The following CDH13 variants were observed in gnomAD, a reference collection of about 807,000 sequenced individuals.
CDH13 encodes the protein cadherin-13.
Under a neutral mutation model 63.8 loss-of-function variants are expected in CDH13, and 24 were observed. That is an observed-to-expected ratio of 0.38 (90% CI 0.27 to 0.53). The LOEUF (loss-of-function observed/expected upper bound fraction) is 0.53, where lower values mean the gene tolerates loss of function less well. Ranked by LOEUF, CDH13 falls within the 20% of genes least tolerant of loss-of-function variation. The probability of loss-of-function intolerance (pLI) is 0.85; values close to 1 mark genes in which losing one functional copy is unlikely to be tolerated. For missense variants in CDH13, 1,049 were observed against 903.1 expected (o/e 1.16, Z -2.07); for synonymous variants, 503 against 355.3 (o/e 1.42, Z -4.67).
At chr16:82,963,604 A>G (rs1350026268) in intron 2 of CDH13, among the ~76,000 whole-genome samples, 1 of 152,030 alleles carries the variant, frequency 6.6e-6, no homozygotes, top group African/African-American at 2.4e-5. Context: ...TTCTGTAATG[A>G]TTTACTTAAA....
At chr16:82,703,537 G>T in intron 1 of CDH13, among the ~76,000 whole-genome samples, 1 of 152,270 alleles carries the variant, frequency 6.6e-6, no homozygotes, top group Admixed American at 6.5e-5. Context: ...AGCTCCAGTA[G>T]CCCACAGTGG....
At chr16:82,688,177 G>A (rs1247189856) in intron 1 of CDH13, among the ~76,000 whole-genome samples, 2 of 152,158 alleles carry the variant, frequency 1.3e-5, no homozygotes, top group Admixed American at 1.3e-4. Flanking sequence ...AAGTGAACCA[G>A]CCAAGAGATC....
chr16:83,409,456 C>A (rs1021995273), intron 6 of CDH13, among the ~76,000 whole-genome samples: 1 of 152,160 alleles, frequency 6.6e-6, no homozygotes, highest in African/African-American at 2.4e-5. Context: ...AGGGTATCAG[C>A]AGAGCCTGCT....
chr16:83,392,309 G>A (rs1018347550), intron 6 of CDH13, among the ~76,000 whole-genome samples: 4 of 152,258 alleles, frequency 2.6e-5, no homozygotes, highest in East Asian at 1.9e-4. Flanking sequence ...CCTTAGCGCC[G>A]TGCCTCACGA....
chr16:82,899,426 G>A (rs775560729), intron 2 of CDH13, among the ~76,000 whole-genome samples: 19 of 152,262 alleles, frequency 1.2e-4, no homozygotes, highest in African/African-American at 4.6e-4. Flanking sequence ...AAATTGAAAG[G>A]TATCATAAAA....
intron 6 of CDH13, among the ~76,000 whole-genome samples, chr16:83,472,490 T>C (rs547848198): frequency 6.6e-6 from 1 of 152,238 alleles, no homozygotes; most frequent in African/African-American, 2.4e-5. Context: ...AGCTGGCTTG[T>C]AGCAGAGGCA....
At chr16:83,449,127 C>G (rs369722594) in intron 6 of CDH13, among the ~76,000 whole-genome samples, 2 of 152,154 alleles carry the variant, frequency 1.3e-5, no homozygotes, top group South Asian at 4.1e-4. Flanking sequence ...TTTTAAATGT[C>G]TTACATTCCT....
intron 7 of CDH13, among the ~76,000 whole-genome samples, chr16:83,512,523 C>G (rs943108505): frequency 2.0e-5 from 3 of 150,908 alleles, no homozygotes; most frequent in African/African-American, 4.8e-5. Context: ...CAAAAATTAG[C>G]CAGGTGTGGT....
intron 5 of CDH13, among the ~76,000 whole-genome samples, chr16:83,269,997 C>T (rs1567552954): frequency 6.6e-6 from 1 of 152,202 alleles, no homozygotes. Flanking sequence ...TAATGTACTA[C>T]ACCTCCTGAG....
At chr16:83,347,596 C>T (rs1194633642) in intron 6 of CDH13, among the ~76,000 whole-genome samples, 1 of 152,150 alleles carries the variant, frequency 6.6e-6, no homozygotes, top group East Asian at 1.9e-4. Context: ...TCCATGATCC[C>T]ACTTCCTGCC....
intron 7 of CDH13, among the ~76,000 whole-genome samples, chr16:83,589,044 C>G (rs2150733381): frequency 6.6e-6 from 1 of 152,278 alleles, no homozygotes; most frequent in Middle Eastern, 3.4e-3. Context: ...AGTCAGAAGT[C>G]CAAAATAAGT....
At chr16:83,033,848 C>T (rs765962532) in intron 3 of CDH13, among the ~76,000 whole-genome samples, 1 of 152,164 alleles carries the variant, frequency 6.6e-6, no homozygotes, top group East Asian at 1.9e-4. Context: ...ATGGCATGCC[C>T]CTGCTTGGCA....
chr16:82,659,207 T>C (rs8057927), intron 1 of CDH13, among the ~76,000 whole-genome samples: 17,975 of 152,238 alleles, frequency 0.12, 1,455 homozygotes, highest in East Asian at 0.26. Context: ...AACTTCTCTA[T>C]TGGAACCTAG....
chr16:82,689,439 A>C (rs2150973187), intron 1 of CDH13, among the ~76,000 whole-genome samples: 1 of 152,256 alleles, frequency 6.6e-6, no homozygotes, highest in South Asian at 2.1e-4. Context: ...ACCTCCTTTT[A>C]CATAACATTG....
intron 6 of CDH13, among the ~76,000 whole-genome samples, chr16:83,430,542 A>G (rs1233779859): frequency 6.6e-6 from 1 of 152,196 alleles, no homozygotes; most frequent in Non-Finnish European, 1.5e-5. Flanking sequence ...TCAAACCTTT[A>G]TTCTTCTTTT....
chr16:83,437,266 C>A (rs1441821307), intron 6 of CDH13, among the ~76,000 whole-genome samples: 1 of 151,958 alleles, frequency 6.6e-6, no homozygotes, highest in Admixed American at 6.6e-5. Context: ...TTTGTTAGAT[C>A]GGATAATGAT....
intron 1 of CDH13, among the ~76,000 whole-genome samples, chr16:82,856,982 A>G (rs574203248): frequency 6.6e-6 from 1 of 152,296 alleles, no homozygotes; most frequent in East Asian, 1.9e-4. Flanking sequence ...GTTAATTTCC[A>G]AACACTCTCT....
chr16:82,683,963 G>T (rs1057496181), intron 1 of CDH13, among the ~76,000 whole-genome samples: 1 of 152,176 alleles, frequency 6.6e-6, no homozygotes, highest in Non-Finnish European at 1.5e-5. Context: ...GACTTGTCTA[G>T]TCTCCTCTTT....
chr16:83,646,626 G>A (rs60735362), intron 8 of CDH13, among the ~76,000 whole-genome samples: 17,399 of 144,888 alleles, frequency 0.12, 1,158 homozygotes, highest in East Asian at 0.22. Context: ...GCTTGAACCC[G>A]GGAAGCAGTG....
Sources: allele counts gnomAD v4.1 joint callset (sites outside exome capture counted in the v4.1 genomes callset), GRCh38; gene constraint gnomAD v4.1.1; transcripts MANE v1.5; gene names NCBI Gene and HGNC (gene_info 2026-07-23, HGNC 2026-07-21).